ATP13A3: variants seen among roughly 807,000 people sequenced by gnomAD.
The protein encoded by ATP13A3 is polyamine-transporting ATPase 13A3.
A neutral mutation model predicts 158.1 loss-of-function variants in ATP13A3; 59 were observed. The ratio of observed to expected loss-of-function variants is 0.37; its 90% CI spans 0.30 to 0.46. ATP13A3 has a LOEUF of 0.46. ATP13A3 is among the 20% of genes least tolerant of loss of function. The pLI is 1.00. For synonymous variants in ATP13A3, 491 were observed against 504.3 expected (o/e 0.97, Z 0.35); for missense variants, 1,166 against 1,525.2 (o/e 0.76, Z 3.92).
intron 31 of ATP13A3, among the ~76,000 whole-genome samples, chr3:194,414,494 G>C (rs541356268): frequency 2.7e-5 from 4 of 147,448 alleles, no homozygotes; most frequent in Admixed American, 6.7e-5. Flanking sequence ...ATCTAATAAC[G>C]AAGTACTGGT....
At chr3:194,469,145 A>G (rs2109012486) in intron 2 of ATP13A3, among the ~76,000 whole-genome samples, 1 of 86,010 alleles carries the variant, frequency 1.2e-5, no homozygotes, top group South Asian at 5.5e-4. Context: ...ACACACACCA[A>G]AAAAAAAAAA....
At chr3:194,445,922 C>T (rs986864558) in intron 14 of ATP13A3, among the ~76,000 whole-genome samples, 6 of 152,128 alleles carry the variant, frequency 3.9e-5, no homozygotes, top group African/African-American at 7.2e-5. Flanking sequence ...AAATCAGTGA[C>T]CTTCATAATT....
intron 2 of ATP13A3, among the ~76,000 whole-genome samples, chr3:194,469,450 A>G (rs1338881313): frequency 6.6e-6 from 1 of 152,158 alleles, no homozygotes; most frequent in Non-Finnish European, 1.5e-5. Flanking sequence ...ACAGAGTGAG[A>G]CTCTGTCTCA....
At chr3:194,473,028 C>T (rs1419267194) in intron 2 of ATP13A3, among the ~76,000 whole-genome samples, 1 of 152,010 alleles carries the variant, frequency 6.6e-6, no homozygotes, top group Non-Finnish European at 1.5e-5. Flanking sequence ...GGCAAGGGTA[C>T]CTATTGGGTA....
At chr3:194,491,114 A>G (rs1721141121), upstream of ATP13A3, among the ~76,000 whole-genome samples, 1 of 152,220 alleles carries the variant, frequency 6.6e-6, no homozygotes, top group African/African-American at 2.4e-5. Flanking sequence ...ATTGTACTCC[A>G]GCCTGGATGA....
Position 194,448,618 on chromosome 3 carries a change from G to A in ATP13A3, c.989C>T (p.Thr330Ile). 6.2e-7 allele frequency: 1 copy of A among 1,611,720 alleles called. No homozygotes were observed. Among genetic ancestry groups the A allele is most frequent in the Non-Finnish European group, 8.5e-7 (1 of 1,179,212 alleles). The stretch of plus-strand genomic sequence containing the variant: ...TGAAGGATTTGGCAAATTAGTCTTT[G>A]TCACTGGAACACTTTCTCCTTTAAA... Reference protein sequence around the residue: ...SMLTGESVPVTKTNLPNPSVD... With the variant: ...SMLTGESVPVIKTNLPNPSVD... Residue 330 changes from threonine (T) to isoleucine (I), a missense_variant, in exon 12 of 34, where the codon ACA becomes ATA. By Grantham distance (89) the Thr-to-Ile change is moderately conservative. Coordinates refer to ENST00000645319, the MANE Select transcript of ATP13A3 (RefSeq NM_001367549.1). This position sits in a 1 kb window ranked among gnomAD's most constrained non-coding sequence, Gnocchi z 4.0.
At chr3:194,423,065 C>A (rs1240064154) in intron 30 of ATP13A3, among the ~76,000 whole-genome samples, 1 of 151,932 alleles carries the variant, frequency 6.6e-6, no homozygotes, top group South Asian at 2.1e-4. Context: ...GATGATCCAA[C>A]AAGAAACTGC....
chr3:194,471,324 TAAAAAAAAAAAAAA>T (rs59967046), intron 2 of ATP13A3, among the ~76,000 whole-genome samples: 1 of 88,112 alleles, frequency 1.1e-5, no homozygotes. Context: ...CAGCAAATTC[TAAAAAAAAAAAAAA>T]AAAAAAAAAG....
At position 194,403,411 on chromosome 3, in the gene ATP13A3, T is replaced by C. The variant is rs146684625; in HGVS notation, c.*2508A>G. The stretch of plus-strand genomic sequence containing the variant: ...AAGATACAAAACATATAGTTACCAC[T>C]ATTTATACTTGAGGGAGAAAAAAAA... On this transcript the variant is annotated 3_prime_UTR_variant, in exon 34 of 34. Coordinates refer to ENST00000645319, the MANE Select transcript of ATP13A3 (RefSeq NM_001367549.1). 1 of 152,364 alleles carries C rather than the reference T, an allele frequency of 6.6e-6. No individual in the cohort carries two copies. The highest frequency in any genetic ancestry group is 1.9e-4 in the East Asian group (1 of 5,194). 9.4% of individuals were successfully genotyped at this position (152,364 alleles called of 1,614,324 possible).
intron 16 of ATP13A3, among the ~76,000 whole-genome samples, chr3:194,439,844 C>T (rs1247387974): frequency 1.3e-5 from 2 of 152,146 alleles, no homozygotes; most frequent in African/African-American, 4.8e-5. Flanking sequence ...TGAAGATACA[C>T]CAACACTGAA....
intron 2 of ATP13A3, among the ~76,000 whole-genome samples, chr3:194,485,395 T>C (rs2109081163): frequency 6.6e-6 from 1 of 152,302 alleles, no homozygotes. Context: ...ATGTCACATA[T>C]ATTCCAGTGA....
chr3:194,408,035 T>C (rs889082060), intron 33 of ATP13A3, among the ~76,000 whole-genome samples: 9 of 151,790 alleles, frequency 5.9e-5, no homozygotes, highest in African/African-American at 2.2e-4. Context: ...TTTTTTTTTT[T>C]TTTGAGACGG....
chr3:194,454,635 G>A (rs1719077100), intron 8 of ATP13A3, among the ~76,000 whole-genome samples: 2 of 147,642 alleles, frequency 1.4e-5, no homozygotes, highest in South Asian at 2.2e-4. Flanking sequence ...AAAACATCCT[G>A]GCTAACACGG....
chr3:194,452,996 T>C (rs1718918995), intron 10 of ATP13A3: 1 of 152,062 alleles, frequency 6.6e-6, no homozygotes, highest in Non-Finnish European at 1.5e-5. Flanking sequence ...GGAACTGAAA[T>C]GTATACTTTT....
intron 2 of ATP13A3, among the ~76,000 whole-genome samples, chr3:194,465,337 G>A (rs1002503995): frequency 1.3e-5 from 2 of 152,168 alleles, no homozygotes; most frequent in Non-Finnish European, 2.9e-5. Flanking sequence ...CCAGAAGAGA[G>A]TCTGACCCAC....
chr3:194,412,376 C>A lies in ATP13A3; in HGVS notation c.3484-88G>T, dbSNP rs1577024109. On this transcript the variant is annotated intron_variant, in intron 32 of 33. Transcript: ENST00000645319. ...CCTTTTTAAAAAATCACACATGCTG[C>A]ATAATTGATGAAAAGGATATTTTGA... 4.7e-5 allele frequency: 45 copies of A among 967,566 alleles called. No individual in the cohort carries two copies. The East Asian group carries it at 1.1e-3, about 24-fold the overall frequency. The allele number at this position is 967,566 out of a possible 1,614,324, so 59.9% of individuals were successfully genotyped here. A position where few individuals can be genotyped will look rare whatever the true frequency, so the allele number is the denominator to read the frequency against.
intron 20 of ATP13A3, among the ~76,000 whole-genome samples, chr3:194,434,911 A>C (rs994024222): frequency 2.6e-5 from 4 of 152,174 alleles, no homozygotes; most frequent in African/African-American, 9.7e-5. Flanking sequence ...ACAAAGAGAG[A>C]TCCTATCTCA....
Position 194,437,171 on chromosome 3 carries a change from C to G in ATP13A3, c.2044G>C (p.Gly682Arg). 6.2e-7 allele frequency: 1 copy of G among 1,613,936 alleles called. No individual in the cohort carries two copies. The highest frequency in any genetic ancestry group is 8.5e-7 in the Non-Finnish European group (1 of 1,179,862). ...QNVLEDFTKQ[G>R]FRVIALAHRK... ...TGTGCAAGAGCAATCACACGGAAGC[C>G]CTGTTTAGTGAAGTCTTCCAAAACG... Residue 682 changes from glycine to arginine, a missense_variant, in exon 20 of 34, where the codon GGC becomes CGC. Transcript: ENST00000645319.
chr3:194,461,658 G>C (rs933938200), intron 3 of ATP13A3, among the ~76,000 whole-genome samples: 9 of 151,962 alleles, frequency 5.9e-5, no homozygotes, highest in African/African-American at 2.2e-4. Flanking sequence ...GCAACATTTG[G>C]ACATATTTAT....
Sources: allele counts gnomAD v4.1 joint callset (sites outside exome capture counted in the v4.1 genomes callset), GRCh38; gene constraint gnomAD v4.1.1; non-coding constraint Gnocchi (gnomAD v3.1); transcripts MANE v1.5; gene names NCBI Gene and HGNC (gene_info 2026-07-23, HGNC 2026-07-21).